TCEA1: variants seen among roughly 807,000 people sequenced by gnomAD.
The protein encoded by TCEA1 is transcription elongation factor A protein 1.
In TCEA1, 21 loss-of-function variants were observed where a neutral mutation model predicts 43.8. The observed-to-expected ratio is 0.48, with a 90% CI of 0.34 to 0.69. TCEA1 has a LOEUF of 0.69. Ranked by LOEUF, TCEA1 falls within the 30% of genes least tolerant of loss-of-function variation. The pLI is 0.01. For missense variants in TCEA1, 250 were observed against 365.1 expected (o/e 0.68, Z 2.57); for synonymous variants, 104 against 117.5 (o/e 0.88, Z 0.75).
intron 7 of TCEA1, among the ~76,000 whole-genome samples, chr8:53,981,481 G>A (rs1262623982): frequency 1.3e-5 from 2 of 152,142 alleles, no homozygotes; most frequent in African/African-American, 2.4e-5. Context: ...CCTCTACTCT[G>A]TCTGTGTTCT....
intron 6 of TCEA1, among the ~76,000 whole-genome samples, chr8:53,985,753 T>C (rs1181236512): frequency 1.3e-5 from 2 of 152,130 alleles, no homozygotes; most frequent in Non-Finnish European, 2.9e-5. Flanking sequence ...CCTTTCCCGG[T>C]GCTTAGCAAG....
chr8:54,018,130 G>C (rs1462131091), intron 1 of TCEA1, among the ~76,000 whole-genome samples: 2 of 152,108 alleles, frequency 1.3e-5, no homozygotes, highest in Non-Finnish European at 2.9e-5. Context: ...TCAAAGTTTT[G>C]TTGCAGTTGT....
At chr8:53,991,994 C>T (rs1035679386) in intron 4 of TCEA1, among the ~76,000 whole-genome samples, 6 of 152,084 alleles carry the variant, frequency 3.9e-5, no homozygotes, top group African/African-American at 9.6e-5. Context: ...AAGTTAAAAT[C>T]GGTAGTTGCC....
chr8:54,019,523 T>C (rs2129315590), intron 1 of TCEA1, among the ~76,000 whole-genome samples: 1 of 150,670 alleles, frequency 6.6e-6, no homozygotes, highest in African/African-American at 2.4e-5. Context: ...TGAGCCGAGA[T>C]TGCACCACTG....
chr8:54,012,369 A>T (rs1403628964), intron 1 of TCEA1, among the ~76,000 whole-genome samples: 1 of 152,084 alleles, frequency 6.6e-6, no homozygotes, highest in Non-Finnish European at 1.5e-5. Context: ...AGACCACCCT[A>T]ACCAAGATAG....
intron 7 of TCEA1, among the ~76,000 whole-genome samples, chr8:53,981,651 A>G (rs1803505394): frequency 6.6e-6 from 1 of 152,242 alleles, no homozygotes; most frequent in Non-Finnish European, 1.5e-5. Context: ...ATGCCTAGTC[A>G]TCCAATAGCT....
At chr8:53,990,602 A>AT (rs1803846422) in intron 4 of TCEA1, among the ~76,000 whole-genome samples, 1 of 152,100 alleles carries the variant, frequency 6.6e-6, no homozygotes, top group Admixed American at 6.6e-5. Flanking sequence ...GGCTCAAGTG[A>AT]TCCCCCTACC....
At chr8:54,002,874 C>T (rs1804315291) in intron 2 of TCEA1, 1 of 456,022 alleles carries the variant, frequency 2.2e-6, no homozygotes, top group Admixed American at 2.4e-5. Flanking sequence ...ATCAGGTATA[C>T]AGAAAGAAAG....
At chr8:54,004,535 T>C (rs1460914584) in intron 2 of TCEA1, among the ~76,000 whole-genome samples, 1 of 152,204 alleles carries the variant, frequency 6.6e-6, no homozygotes, top group East Asian at 1.9e-4. Flanking sequence ...AAAGGTCAGA[T>C]ACTGTATGAT....
chr8:54,004,554 T>G (rs1365174220), intron 2 of TCEA1, among the ~76,000 whole-genome samples: 1 of 152,190 alleles, frequency 6.6e-6, no homozygotes, highest in Non-Finnish European at 1.5e-5. Context: ...ATTCCATTTA[T>G]ATGAAAACTC....
At chr8:53,997,388 G>A (rs969809779) in intron 3 of TCEA1, among the ~76,000 whole-genome samples, 8 of 152,166 alleles carry the variant, frequency 5.3e-5, no homozygotes, top group African/African-American at 1.9e-4. Flanking sequence ...GATCTTAAAA[G>A]TGTCTCCCAC....
chr8:54,014,881 G>A (rs944250960), intron 1 of TCEA1, among the ~76,000 whole-genome samples: 2 of 152,162 alleles, frequency 1.3e-5, no homozygotes, highest in African/African-American at 2.4e-5. Flanking sequence ...TTCTTTATAC[G>A]TAGGTGAGCA....
intron 8 of TCEA1, chr8:53,972,697 C>T (rs1408741889): frequency 1.5e-6 from 1 of 646,168 alleles, no homozygotes; most frequent in Admixed American, 1.8e-5. Context: ...GAAGATGCCC[C>T]AAAAAAGGAC....
chr8:54,008,820 A>C (rs1804560091), intron 2 of TCEA1, among the ~76,000 whole-genome samples: 2 of 151,478 alleles, frequency 1.3e-5, no homozygotes, highest in Non-Finnish European at 2.9e-5. Flanking sequence ...CTCCAGTCAG[A>C]ATGGCTATTA....
chr8:53,994,160 C>T (rs540767823), intron 3 of TCEA1, among the ~76,000 whole-genome samples: 56 of 152,278 alleles, frequency 3.7e-4, no homozygotes, highest in African/African-American at 1.0e-3. Context: ...GCCTGGGCAA[C>T]ATGACAAAAC....
chr8:53,988,012 T>A, intron 5 of TCEA1, 102 bp downstream of exon 5: 1 of 1,394,020 alleles, frequency 7.2e-7, no homozygotes, highest in South Asian at 1.6e-5. Flanking sequence ...GTGGGTGGGC[T>A]ATCCACAGGG....
chr8:54,002,007 A>G (rs1193041828), intron 2 of TCEA1, among the ~76,000 whole-genome samples: 1 of 149,280 alleles, frequency 6.7e-6, no homozygotes, highest in Non-Finnish European at 1.5e-5. Context: ...CAAACAAACA[A>G]ACAAAAAACA....
chr8:54,011,668 C>T (rs868316214), intron 1 of TCEA1, among the ~76,000 whole-genome samples: 1 of 152,210 alleles, frequency 6.6e-6, no homozygotes, highest in South Asian at 2.1e-4. Flanking sequence ...CACAGCACGT[C>T]CCTCATTCAA....
chr8:54,015,713 A>G (rs937901500), intron 1 of TCEA1, among the ~76,000 whole-genome samples: 5 of 152,338 alleles, frequency 3.3e-5, no homozygotes, highest in East Asian at 1.9e-4. Flanking sequence ...CAGTATCAGC[A>G]TATCTAACAA....
Sources: gnomAD v4.1 joint callset for allele counts (sites outside exome capture counted in the v4.1 genomes callset) on GRCh38, gnomAD v4.1.1 for gene constraint, MANE v1.5 for transcripts, NCBI Gene and HGNC (gene_info 2026-07-23, HGNC 2026-07-21) for gene names.